LRRC74A: variants seen among roughly 807,000 people sequenced by gnomAD.
LRRC74A encodes the protein leucine-rich repeat-containing protein 74A.
A neutral mutation model predicts 57.9 loss-of-function variants in LRRC74A; 44 were observed. That is an observed-to-expected ratio of 0.76 (90% confidence interval 0.60 to 0.98). The LOEUF (loss-of-function observed/expected upper bound fraction) is 0.98, where lower values mean the gene tolerates loss of function less well. Among genes scored for constraint, LRRC74A ranks in the 50% least tolerant of loss-of-function variants. The probability of loss-of-function intolerance (pLI) is 0.00; values close to 1 mark genes in which losing one functional copy is unlikely to be tolerated. For missense variants in LRRC74A, 572 were observed against 574.0 expected (o/e 1.00, Z 0.04); for synonymous variants, 211 against 219.4 (o/e 0.96, Z 0.34).
intron 9 of LRRC74A, 88 bp downstream of exon 9, chr14:76,853,498 G>A: frequency 8.2e-7 from 1 of 1,221,144 alleles, no homozygotes; most frequent in Non-Finnish European, 1.1e-6. Flanking sequence ...GGGCTGCAGA[G>A]TACTGGAGAG....
chr14:76,866,388 G>C (rs1323484438), intron 12 of LRRC74A, among the ~76,000 whole-genome samples: 1 of 152,172 alleles, frequency 6.6e-6, no homozygotes, highest in African/African-American at 2.4e-5. Flanking sequence ...AGATAACAAA[G>C]GGAGTGAGAG....
intron 2 of LRRC74A, chr14:76,828,654 G>GT: frequency 1.5e-6 from 1 of 658,490 alleles, no homozygotes; most frequent in East Asian, 3.1e-5. Context: ...GTGCCCTCAC[G>GT]TCGTCTTGTT....
At chr14:76,852,487 T>C (rs1401224968) in intron 8 of LRRC74A, 37 bp downstream of exon 8, 3 of 1,494,584 alleles carry the variant, frequency 2.0e-6, no homozygotes, top group African/African-American at 1.4e-5. Flanking sequence ...TGGAGCCCAG[T>C]TGAGGACAGC....
intron 10 of LRRC74A, 134 bp downstream of exon 10, chr14:76,857,609 C>T: frequency 1.6e-6 from 1 of 630,732 alleles, no homozygotes; most frequent in Non-Finnish European, 2.8e-6. Flanking sequence ...GAAAGGGTCA[C>T]TTCTTTTGTT....
chr14:76,848,766 A>G (rs1466608154), intron 7 of LRRC74A, among the ~76,000 whole-genome samples: 1 of 152,222 alleles, frequency 6.6e-6, no homozygotes, highest in Non-Finnish European at 1.5e-5. Context: ...GGAGGAGGTA[A>G]TTACAGGAGC....
chr14:76,835,435 C>T (rs940606179), intron 3 of LRRC74A, among the ~76,000 whole-genome samples: 5 of 150,404 alleles, frequency 3.3e-5, no homozygotes, highest in Admixed American at 6.7e-5. Context: ...TGCAGTGAGC[C>T]GAGATCACGC....
rs1455423003 is a variant in LRRC74A at position 76,844,422 on chromosome 14, G to A, written c.545-1G>A. 6.2e-7 allele frequency: 1 copy of A among 1,612,380 alleles called. No homozygotes were observed. Among genetic ancestry groups the A allele is most frequent in the Non-Finnish European group, 8.5e-7 (1 of 1,179,364 alleles). ...TCACTGACACACCACCCTCACTACA[G>A]GAAATGACTTCAAGGAAGACTCCGC... On this transcript the variant is annotated splice_acceptor_variant, in intron 5 of 13. Coordinates refer to ENST00000689127, the MANE Select transcript of LRRC74A (RefSeq NM_001385106.1). LOFTEE classifies it high-confidence loss of function.
intron 6 of LRRC74A, 123 bp from the exon 7 acceptor site, chr14:76,844,697 A>T (rs1157767636): frequency 1.4e-6 from 1 of 701,800 alleles, no homozygotes; most frequent in Non-Finnish European, 2.5e-6. Context: ...AAAATGCCTA[A>T]GACATTGTCT....
At chr14:76,864,935 A>T (rs1898659886) in intron 11 of LRRC74A, among the ~76,000 whole-genome samples, 1 of 152,238 alleles carries the variant, frequency 6.6e-6, no homozygotes, top group Admixed American at 6.5e-5. Context: ...TCTGTAAAAC[A>T]ATAGGTTTAG....
At chr14:76,849,269 C>A (rs1037695390) in intron 7 of LRRC74A, among the ~76,000 whole-genome samples, 5 of 151,994 alleles carry the variant, frequency 3.3e-5, no homozygotes, top group African/African-American at 1.2e-4. Context: ...AATTCTCGTG[C>A]CTCAACCTCC....
At chr14:76,831,181 T>G in intron 2 of LRRC74A, 22 bp from the exon 3 acceptor site, 1 of 1,613,184 alleles carries the variant, frequency 6.2e-7, no homozygotes, top group Non-Finnish European at 8.5e-7. Flanking sequence ...GAAATCCTAC[T>G]TCAGCCCATC....
At chr14:76,843,432 A>G (rs1482938069) in intron 5 of LRRC74A, among the ~76,000 whole-genome samples, 2 of 152,130 alleles carry the variant, frequency 1.3e-5, no homozygotes, top group Non-Finnish European at 2.9e-5. Context: ...AATTTTGCAC[A>G]CATGGTAAGT....
In LRRC74A at chr14:76,864,446, G is replaced by C. The variant is rs1202010455; in HGVS notation, c.1201-1522G>C. ...GGGTGGCGGGGGGAAGGGGGGTGGC[G>C]GGGGAGAAGAGAAAAAAAGTACTTA... On this transcript the variant is annotated intron_variant, in intron 11 of 13. Coordinates refer to ENST00000689127, the MANE Select transcript of LRRC74A (RefSeq NM_001385106.1). Among the ~76,000 whole-genome samples, 4 of 133,310 alleles carry C rather than the reference G, an allele frequency of 3.0e-5. No homozygotes were observed. The East Asian group carries it at 6.6e-4, about 22-fold the overall frequency. 87.5% of individuals were successfully genotyped at this position (133,310 alleles called of 152,430 possible).
intron 11 of LRRC74A, among the ~76,000 whole-genome samples, chr14:76,862,221 G>C (rs966073839): frequency 6.6e-6 from 1 of 152,264 alleles, no homozygotes; most frequent in East Asian, 1.9e-4. Flanking sequence ...CTACAGTGAC[G>C]ACCCACAGAA....
rs1412201669 is a variant in LRRC74A, at chr14:76,826,471, C to G, written c.-227C>G. 6.6e-7 allele frequency: 1 copy of G among 1,518,066 alleles called. No homozygotes were observed. Among genetic ancestry groups the G allele is most frequent in the Non-Finnish European group, 8.9e-7 (1 of 1,119,646 alleles). The allele number at this position is 1,518,066 out of a possible 1,614,324, so 94.0% of individuals were successfully genotyped here. On this transcript the variant is annotated 5_prime_UTR_variant, in exon 1 of 14. Coordinates refer to ENST00000689127, the MANE Select transcript of LRRC74A (RefSeq NM_001385106.1). ...ATGAGCTGGAGAAGTAGCTACCTCT[C>G]CCAGACAGAGTTGGGGTCAAATTCA...
intron 10 of LRRC74A, among the ~76,000 whole-genome samples, chr14:76,860,344 G>A (rs1168785100): frequency 2.6e-5 from 4 of 152,084 alleles, no homozygotes; most frequent in South Asian, 2.1e-4. Context: ...CAACACTCAC[G>A]CAGACATGGA....
chr14:76,853,185 A>G, intron 8 of LRRC74A, 31 bp from the exon 9 acceptor site: 2 of 1,565,754 alleles, frequency 1.3e-6, no homozygotes, highest in Non-Finnish European at 1.8e-6. Context: ...CGTAACCTTG[A>G]TGCTGGTGCT....
At chr14:76,843,443 G>A (rs985148180) in intron 5 of LRRC74A, among the ~76,000 whole-genome samples, 4 of 152,118 alleles carry the variant, frequency 2.6e-5, no homozygotes, top group African/African-American at 9.6e-5. Flanking sequence ...CATGGTAAGT[G>A]TCTCACTCAC....
intron 10 of LRRC74A, among the ~76,000 whole-genome samples, chr14:76,859,652 C>T (rs2140305790): frequency 1.5e-5 from 2 of 135,462 alleles, no homozygotes; most frequent in Admixed American, 7.5e-5. Flanking sequence ...ACAAATAGGT[C>T]TGAATTAGCC....
Sources: gnomAD v4.1 joint callset for allele counts (sites outside exome capture counted in the v4.1 genomes callset) on GRCh38, gnomAD v4.1.1 for gene constraint, MANE v1.5 for transcripts, NCBI Gene and HGNC (gene_info 2026-07-23, HGNC 2026-07-21) for gene names.